ANGPT1: variants seen among roughly 807,000 people sequenced by gnomAD.
ANGPT1 encodes angiopoietin-1.
In ANGPT1, 17 loss-of-function variants were observed where a neutral mutation model predicts 62.2. That is an observed-to-expected ratio of 0.27 (90% CI 0.19 to 0.41). The LOEUF is 0.41. Among genes scored for constraint, ANGPT1 ranks in the 10% least tolerant of loss-of-function variants. The probability of loss-of-function intolerance (pLI) is 1.00; values close to 1 mark genes in which losing one functional copy is unlikely to be tolerated. For synonymous variants in ANGPT1, 199 were observed against 198.9 expected (o/e 1.00, Z 0.00); for missense variants, 478 against 594.9 (o/e 0.80, Z 2.04).
intron 7 of ANGPT1, among the ~76,000 whole-genome samples, chr8:107,272,322 A>C (rs1314776318): frequency 6.6e-6 from 1 of 152,060 alleles, no homozygotes; most frequent in East Asian, 1.9e-4. Context: ...TAGAAAATTG[A>C]GTTTCACTTA....
chr8:107,464,051 AT>A (rs1349260889), intron 1 of ANGPT1, among the ~76,000 whole-genome samples: 3 of 152,168 alleles, frequency 2.0e-5, no homozygotes, highest in Non-Finnish European at 4.4e-5. Flanking sequence ...GTGAGAGCCA[AT>A]TTAGTGTGGT....
At chr8:107,261,029 T>G (rs1813477898) in intron 8 of ANGPT1, among the ~76,000 whole-genome samples, 1 of 152,192 alleles carries the variant, frequency 6.6e-6, no homozygotes, top group African/African-American at 2.4e-5. Flanking sequence ...AAGGACACAT[T>G]TGAAAGATTT....
At chr8:107,402,458 T>G (rs1817065364) in intron 1 of ANGPT1, among the ~76,000 whole-genome samples, 1 of 152,348 alleles carries the variant, frequency 6.6e-6, no homozygotes, top group South Asian at 2.1e-4. Context: ...ATTTAGCAAC[T>G]AATACATATC....
intron 4 of ANGPT1, among the ~76,000 whole-genome samples, chr8:107,303,983 T>C (rs973905662): frequency 2.0e-5 from 3 of 151,962 alleles, no homozygotes; most frequent in Non-Finnish European, 4.4e-5. Flanking sequence ...AAAGAGTTTA[T>C]GACCCAACTT....
chr8:107,462,084 T>G (rs188144971), intron 1 of ANGPT1, among the ~76,000 whole-genome samples: 1 of 152,110 alleles, frequency 6.6e-6, no homozygotes, highest in Non-Finnish European at 1.5e-5. Flanking sequence ...TCTAGTTTCA[T>G]TTTCTCGGAA....
At chr8:107,343,334 G>A (rs1170953397) in intron 2 of ANGPT1, among the ~76,000 whole-genome samples, 1 of 152,174 alleles carries the variant, frequency 6.6e-6, no homozygotes, top group Admixed American at 6.5e-5. Context: ...GGAAAGAGGA[G>A]AGGGAAGGAA....
intron 3 of ANGPT1, chr8:107,322,652 G>GA: frequency 4.6e-6 from 1 of 217,076 alleles, no homozygotes; most frequent in Non-Finnish European, 9.3e-6. Context: ...GAAATAAAGA[G>GA]AAAAATATGA....
intron 7 of ANGPT1, among the ~76,000 whole-genome samples, chr8:107,268,182 G>A (rs554959835): frequency 6.6e-6 from 1 of 152,158 alleles, no homozygotes; most frequent in East Asian, 1.9e-4. Flanking sequence ...AATGTTCATT[G>A]ACTAGATGGA....
At chr8:107,371,097 G>A (rs2445365) in intron 1 of ANGPT1, among the ~76,000 whole-genome samples, 31,998 of 152,118 alleles carry the variant, frequency 0.21, 3,948 homozygotes, top group East Asian at 0.37. Flanking sequence ...AACAGTTACA[G>A]CTTGAACCTG....
chr8:107,358,148 A>G (rs1202133231), intron 1 of ANGPT1, among the ~76,000 whole-genome samples: 2 of 152,218 alleles, frequency 1.3e-5, no homozygotes, highest in African/African-American at 2.4e-5. Context: ...TGGAACATAT[A>G]GTAAGTTTGT....
At chr8:107,465,208 C>T (rs1812170737) in intron 1 of ANGPT1, among the ~76,000 whole-genome samples, 1 of 151,950 alleles carries the variant, frequency 6.6e-6, no homozygotes, top group Non-Finnish European at 1.5e-5. Context: ...GAATTAATGT[C>T]AGAACTTTAT....
At chr8:107,332,016 G>A (rs1489229423) in intron 3 of ANGPT1, among the ~76,000 whole-genome samples, 1 of 152,108 alleles carries the variant, frequency 6.6e-6, no homozygotes, top group Non-Finnish European at 1.5e-5. Flanking sequence ...GGCGGGTGCT[G>A]GGAAAACTGG....
intron 1 of ANGPT1, among the ~76,000 whole-genome samples, chr8:107,481,109 C>G (rs1451942457): frequency 6.6e-6 from 1 of 152,170 alleles, no homozygotes; most frequent in African/African-American, 2.4e-5. Flanking sequence ...TCTTCACAAC[C>G]ACAATGCTCG....
chr8:107,468,362 AT>A (rs1812260675), intron 1 of ANGPT1, among the ~76,000 whole-genome samples: 1 of 152,034 alleles, frequency 6.6e-6, no homozygotes. Flanking sequence ...TAATAAATAC[AT>A]TAAATTAAAT....
chr8:107,402,981 T>G (rs1817075304), intron 1 of ANGPT1, among the ~76,000 whole-genome samples: 1 of 152,162 alleles, frequency 6.6e-6, no homozygotes, highest in South Asian at 2.1e-4. Context: ...TAACCATATA[T>G]CAGTTGAATT....
chr8:107,353,618 T>C (rs746596289), intron 1 of ANGPT1, among the ~76,000 whole-genome samples: 1 of 152,112 alleles, frequency 6.6e-6, no homozygotes, highest in Non-Finnish European at 1.5e-5. Context: ...TGATTTTTTT[T>C]CTTCAGATGC....
chr8:107,345,814 C>T (rs1234715200), intron 2 of ANGPT1, among the ~76,000 whole-genome samples: 1 of 152,102 alleles, frequency 6.6e-6, no homozygotes, highest in Non-Finnish European at 1.5e-5. Flanking sequence ...TGTTGATGGG[C>T]AGCAAAAAGT....
chr8:107,381,555 T>A (rs1450994121), intron 1 of ANGPT1, among the ~76,000 whole-genome samples: 2 of 152,100 alleles, frequency 1.3e-5, no homozygotes, highest in Non-Finnish European at 2.9e-5. Flanking sequence ...TGAAGAGGAA[T>A]TATACTCATG....
In ANGPT1 at chr8:107,489,997, T is replaced by C. The variant is rs917199708; in HGVS notation, c.297+7265A>G. Among the ~76,000 whole-genome samples the C allele has an allele frequency of 2.7e-5, 4 of 150,870 alleles. No homozygotes were observed. The East Asian group carries it at 7.8e-4, about 29-fold the overall frequency. On this transcript the variant is annotated intron_variant, in intron 1 of 8. Transcript: ENST00000517746. Reference sequence around the variant, plus strand: ...GGCCCAGGAAAAGGCTGCTAATGTATCCACACAGAGACAAGGCTGTGGCAG... The same window carrying C: ...GGCCCAGGAAAAGGCTGCTAATGTACCCACACAGAGACAAGGCTGTGGCAG...
Sources: allele counts gnomAD v4.1 joint callset (sites outside exome capture counted in the v4.1 genomes callset), GRCh38; gene constraint gnomAD v4.1.1; transcripts MANE v1.5; gene names NCBI Gene and HGNC (gene_info 2026-07-23, HGNC 2026-07-21).